Variants in ALDH16A1 observed in about 807,000 individuals in gnomAD.
ALDH16A1 encodes the protein aldehyde dehydrogenase family 16 member A1.
Under a neutral mutation model 96.1 loss-of-function variants are expected in ALDH16A1, and 88 were observed. The ratio of observed to expected loss-of-function variants is 0.92; its 90% CI spans 0.77 to 1.09. ALDH16A1 has a LOEUF of 1.09. Ranked by LOEUF, ALDH16A1 falls within the 50% of genes least tolerant of loss-of-function variation. The pLI, the probability that ALDH16A1 is intolerant of heterozygous loss-of-function variation, is 0.00. For missense variants in ALDH16A1, 1,250 were observed against 1,112.6 expected, an observed-to-expected ratio of 1.12 and a Z score of -1.76; for synonymous variants, 522 against 496.4, an observed-to-expected ratio of 1.05 and a Z score of -0.69.
chr19:49,459,794 C>T lies in ALDH16A1; in HGVS notation c.445C>T (p.His149Tyr), dbSNP rs771193598. 4.6e-5 allele frequency: 75 copies of T among 1,613,512 alleles called. No individual in the cohort carries two copies. The highest frequency in any genetic ancestry group is 5.8e-5 in the Non-Finnish European group (69 of 1,179,924). Reference sequence around the variant, plus strand: ...GCTGGCCCAGCAGCTGCTCCACTACCATGCAATCCAGGCATCCACCCAGGA... The same window carrying T: ...GCTGGCCCAGCAGCTGCTCCACTACTATGCAATCCAGGCATCCACCCAGGA... ...VQLAQQLLHY[H>Y]AIQASTQEEA... is the part of the protein sequence containing the mutation. The change falls in exon 4 of 17, where the codon CAT becomes TAT. Residue 149 changes from histidine (H) to tyrosine (Y), a missense_variant. By Grantham distance (83) the His-to-Tyr change is moderately conservative (BLOSUM62 2). Transcript: ENST00000293350. The surrounding 1 kb of genome is among the most constrained non-coding windows in gnomAD (Gnocchi z 4.1).
At position 49,468,816 on chromosome 19, in the gene ALDH16A1, G is replaced by A. The variant is rs1314273625; in HGVS notation, c.2125-48G>A. On this transcript the variant is annotated intron_variant, in intron 15 of 16. Coordinates refer to ENST00000293350, the MANE Select transcript of ALDH16A1 (RefSeq NM_153329.4). This position sits in a 1 kb window ranked among gnomAD's most constrained non-coding sequence, Gnocchi z 4.4. The stretch of plus-strand genomic sequence containing the variant: ...GGCACCCCCTGAATGCCCACTCCTT[G>A]CCCTGCCCCCACGGCCTCCCCAACC... 2 of 1,584,364 alleles carry A rather than the reference G, an allele frequency of 1.3e-6. No homozygotes were observed. The highest frequency in any genetic ancestry group is 1.1e-5 in the South Asian group (1 of 88,792).
At chr19:49,460,933 G>A (rs1424511664) in intron 5 of ALDH16A1, 34 bp downstream of exon 5, 2 of 1,599,238 alleles carry the variant, frequency 1.3e-6, no homozygotes, top group South Asian at 2.2e-5. Flanking sequence ...TGACTCTTGG[G>A]TCTGAGAAAG....
intron 1 of ALDH16A1, among the ~76,000 whole-genome samples, chr19:49,454,354 C>A (rs2079092702): frequency 6.6e-6 from 1 of 152,068 alleles, no homozygotes. Flanking sequence ...ACTTATGGCC[C>A]CTCACAATAC....
At chr19:49,453,950 G>A (rs2079088987) in intron 1 of ALDH16A1, among the ~76,000 whole-genome samples, 1 of 151,532 alleles carries the variant, frequency 6.6e-6, no homozygotes, top group African/African-American at 2.4e-5. Flanking sequence ...CTCAATACTC[G>A]TGGGGTTCAT....
At chr19:49,466,395 G>T in intron 14 of ALDH16A1, 112 bp downstream of exon 14, 1 of 1,172,780 alleles carries the variant, frequency 8.5e-7, no homozygotes, top group South Asian at 1.8e-5. Flanking sequence ...CGCCTTCCAC[G>T]GCAGGATCAT....
rs561099719 is a variant in ALDH16A1 at position 49,453,358 on chromosome 19, C to A, written c.27C>A (p.Arg9=). Reference sequence around the variant, plus strand: ...TGGCTGCGACGCGTGCAGGGCCCCGCGCCCGCGAGATCTTCACCTCGCTGG... The same window carrying A: ...TGGCTGCGACGCGTGCAGGGCCCCGAGCCCGCGAGATCTTCACCTCGCTGG... The part of the protein sequence containing the change: MAATRAGP[R]AREIFTSLEY... Residue 9 remains arginine, a synonymous_variant, in exon 1 of 17, where the codon CGC becomes CGA. Coordinates refer to ENST00000293350, the MANE Select transcript of ALDH16A1 (RefSeq NM_153329.4). 5 of 1,558,980 alleles carry A rather than the reference C, an allele frequency of 3.2e-6. No homozygotes were observed. Among genetic ancestry groups the A allele is most frequent in the Non-Finnish European group, 3.5e-6 (4 of 1,154,866 alleles).
Position 49,470,462 on chromosome 19 carries a change from G to A in ALDH16A1, c.2404G>A (p.Asp802Asn). The A allele has an allele frequency of 6.4e-7, 1 of 1,569,128 alleles. No homozygotes were observed. The highest frequency in any genetic ancestry group is 8.6e-7 in the Non-Finnish European group (1 of 1,160,342). Residue 802 changes from aspartate to asparagine, a missense_variant, in exon 17 of 17, where the codon GAC becomes AAC. Asp to Asn is a conservative substitution (Grantham distance 23). Transcript: ENST00000293350. Reference sequence around the variant, plus strand: ...CAAGGCCCTGTGGCTGCCTATGGGGGACTGATGCCTGAGCGCCACCTACTG... The same window carrying A: ...CAAGGCCCTGTGGCTGCCTATGGGGAACTGATGCCTGAGCGCCACCTACTG... Reference protein sequence around the residue: ...RTKALWLPMGD With the variant: ...RTKALWLPMGN
intron 1 of ALDH16A1, among the ~76,000 whole-genome samples, chr19:49,455,541 A>G (rs967789738): frequency 2.0e-5 from 3 of 150,768 alleles, no homozygotes; most frequent in Admixed American, 6.6e-5. Context: ...TGGGAGGTGC[A>G]GTGATCATAC....
intron 8 of ALDH16A1, among the ~76,000 whole-genome samples, chr19:49,463,450 A>G (rs868186718): frequency 0.13 from 52 of 408 alleles, no homozygotes; most frequent in Non-Finnish European, 0.14. Context: ...GAGGGAGGAG[A>G]GGCTGGGGGT....
intron 7 of ALDH16A1, 50 bp downstream of exon 7, chr19:49,462,086 C>T: frequency 1.3e-6 from 2 of 1,486,998 alleles, no homozygotes; most frequent in Non-Finnish European, 1.8e-6. Context: ...CCGTTGGTGT[C>T]TGTCTCCAGT....
chr19:49,454,019 GGT>G (rs2079089489), intron 1 of ALDH16A1, among the ~76,000 whole-genome samples: 1 of 79,340 alleles, frequency 1.3e-5, no homozygotes, highest in African/African-American at 4.7e-5. Flanking sequence ...GTTTGGGTTG[GGT>G]TTTTTTTTTG....
chr19:49,455,036 T>G (rs574267021), intron 1 of ALDH16A1, among the ~76,000 whole-genome samples: 1 of 147,198 alleles, frequency 6.8e-6, no homozygotes, highest in East Asian at 1.9e-4. Flanking sequence ...GAGAATTGCT[T>G]GAATCCAGGA....
rs1392979264 is a variant in ALDH16A1, at chr19:49,468,516, G to T, written c.2074G>T (p.Val692Phe). 1 of 1,604,536 alleles carries T rather than the reference G, an allele frequency of 6.2e-7. No homozygotes were observed. The highest frequency in any genetic ancestry group is 1.3e-5 in the African/African-American group (1 of 74,996). The change falls in exon 15 of 17, where the codon GTC (valine) becomes TTC (phenylalanine). Residue 692 changes from valine to phenylalanine, a missense_variant. Physicochemically the swap from Val to Phe is conservative, Grantham distance 50. Coordinates refer to ENST00000293350, the MANE Select transcript of ALDH16A1 (RefSeq NM_153329.4). This position sits in a 1 kb window ranked among gnomAD's most constrained non-coding sequence, Gnocchi z 4.4. ...CGCCCTGGCCTACGGCAACACTGTG[G>T]TCATGGTGCCCAGTGCGGCCTGTCC... is the stretch of plus-strand genomic sequence containing the variant. ...APALAYGNTV[V>F]MVPSAACPLL...
intron 1 of ALDH16A1, among the ~76,000 whole-genome samples, chr19:49,457,832 A>G (rs1439482474): frequency 4.0e-5 from 6 of 151,788 alleles, no homozygotes; most frequent in Admixed American, 2.6e-4. Flanking sequence ...GCTGGTCTTG[A>G]ATGCCTAGGC....
chr19:49,457,551 C>CA (rs56211125), intron 1 of ALDH16A1, among the ~76,000 whole-genome samples: 3,416 of 135,620 alleles, frequency 0.025, 129 homozygotes, highest in African/African-American at 0.088. Flanking sequence ...CTGTCTCAAA[C>CA]AAAAAAAAAA....
At chr19:49,455,615 G>A (rs762342108) in intron 1 of ALDH16A1, among the ~76,000 whole-genome samples, 1 of 151,758 alleles carries the variant, frequency 6.6e-6, no homozygotes, top group Non-Finnish European at 1.5e-5. Context: ...AAGAAGTTGA[G>A]GCCAGGCAAG....
chr19:49,461,687 G>C lies in ALDH16A1; in HGVS notation c.646G>C (p.Glu216Gln), dbSNP rs958686236. Residue 216 changes from glutamate to glutamine, a missense_variant, in exon 6 of 17, where the codon GAG becomes CAG. Glu to Gln is a conservative substitution (Grantham distance 29). Transcript: ENST00000293350. ...CCTCCTCCTGGCCCAGCTGGCGGGG[G>C]AGCTGGGCCCCTTCCCGGGAATCCT... ...APLLLAQLAG[E>Q]LGPFPGILNV... The C allele has an allele frequency of 6.2e-7, 1 of 1,608,010 alleles. No homozygotes were observed. The highest frequency in any genetic ancestry group is 8.5e-7 in the Non-Finnish European group (1 of 1,177,434).
rs950336247 is a variant in ALDH16A1 at position 49,466,226 on chromosome 19, C to T, written c.1881C>T (p.Ser627=). ...CTGCGGAGGCGGAGGTGGAGCTGAG[C>T]GCAAGACGACTTCGGGCGTGGGGGG... ...LKAAEAEVEL[S]ARRLRAWGAR... is the part of the protein sequence containing the mutation. The change falls in exon 14 of 17, where the codon AGC becomes AGT. Residue 627 remains serine, a synonymous_variant. Coordinates refer to ENST00000293350, the MANE Select transcript of ALDH16A1 (RefSeq NM_153329.4). 7 of 1,507,934 alleles carry T rather than the reference C, an allele frequency of 4.6e-6. No individual in the cohort carries two copies. The highest frequency in any genetic ancestry group is 1.4e-5 in the African/African-American group (1 of 72,284). 93.4% of individuals were successfully genotyped at this position (1,507,934 alleles called of 1,614,324 possible).
In ALDH16A1 at chr19:49,459,056, C is replaced by T; in HGVS notation, c.290C>T (p.Pro97Leu). 1 of 1,613,124 alleles carries T rather than the reference C, an allele frequency of 6.2e-7. No individual in the cohort carries two copies. The highest frequency in any genetic ancestry group is 2.2e-5 in the East Asian group (1 of 44,892). ...RMAFKGWSAH[P>L]GVVRAQHLTR... ...GCATTTAAGGGCTGGAGTGCGCACC[C>T]CGGCGTCGTCCGGGCCCAGCACCTG... Residue 97 changes from proline (P) to leucine (L), a missense_variant, in exon 3 of 17, where the codon CCC (proline) becomes CTC (leucine). Physicochemically the swap from Pro to Leu is moderately conservative, Grantham distance 98. Transcript: ENST00000293350. This position sits in a 1 kb window ranked among gnomAD's most constrained non-coding sequence, Gnocchi z 4.1.
Sources: allele counts gnomAD v4.1 joint callset (sites outside exome capture counted in the v4.1 genomes callset), GRCh38; gene constraint gnomAD v4.1.1; non-coding constraint Gnocchi (gnomAD v3.1); transcripts MANE v1.5; gene names NCBI Gene and HGNC (gene_info 2026-07-23, HGNC 2026-07-21).